Variants in PPFIA2 observed in about 807,000 individuals in gnomAD.
PPFIA2 encodes PPFI scaffold protein A2, also known as liprin-alpha-2.
PPFIA2 carries 46 observed loss-of-function variants against 175.5 expected under a neutral mutation model. That is an observed-to-expected ratio of 0.26 (90% CI 0.21 to 0.34). The LOEUF (loss-of-function observed/expected upper bound fraction) is 0.34. Among genes scored for constraint, PPFIA2 ranks in the 10% least tolerant of loss-of-function variants. The pLI is 1.00. For synonymous variants in PPFIA2, 568 were observed against 511.4 expected (o/e 1.11, Z -1.49); for missense variants, 1,179 against 1,506.1 (o/e 0.78, Z 3.60).
intron 4 of PPFIA2, among the ~76,000 whole-genome samples, chr12:81,532,931 A>T (rs757863271): frequency 2.6e-5 from 4 of 151,662 alleles, no homozygotes; most frequent in Non-Finnish European, 5.9e-5. Context: ...CTTTATCTCA[A>T]CCAAGAAGGC....
At chr12:81,361,638 A>C (rs1731541716) in intron 15 of PPFIA2, among the ~76,000 whole-genome samples, 1 of 151,630 alleles carries the variant, frequency 6.6e-6, no homozygotes, top group Non-Finnish European at 1.5e-5. Context: ...GAATCTGAAA[A>C]ATGCTTTACC....
At chr12:81,649,128 T>A (rs1233331560) in intron 4 of PPFIA2, among the ~76,000 whole-genome samples, 2 of 152,076 alleles carry the variant, frequency 1.3e-5, no homozygotes, top group Non-Finnish European at 2.9e-5. Flanking sequence ...AAAATTAAAA[T>A]TGCTCTTTGA....
Position 81,369,125 on chromosome 12 carries a change from G to T in PPFIA2, c.1336C>A (p.Gln446Lys). The T allele has an allele frequency of 1.2e-6, 2 of 1,603,670 alleles. No individual in the cohort carries two copies. The highest frequency in any genetic ancestry group is 2.2e-5 in the South Asian group (2 of 90,670). Residue 446 changes from glutamine to lysine, a missense_variant, in exon 12 of 33, where the codon CAA (glutamine) becomes AAA (lysine). By Grantham distance (53) the Gln-to-Lys change is moderately conservative. This residue lies in a region of PPFIA2 where 66 missense variants were observed against 129.4 expected (regional missense o/e 0.51). Transcript: ENST00000549396. ...HLEGQLEEKN[Q>K]ELQRARQREK... is the part of the protein sequence containing the mutation. ...AATATACATACTCTTTGAAGTTCTT[G>T]ATTCTTCTCTTCAAGTTGACCCTCT...
intron 9 of PPFIA2, among the ~76,000 whole-genome samples, chr12:81,378,694 AC>A (rs1855310129): frequency 6.6e-6 from 1 of 152,202 alleles, no homozygotes; most frequent in African/African-American, 2.4e-5. Flanking sequence ...TCTAAAGCTA[AC>A]CTGTGTAAAT....
In PPFIA2 at chr12:81,344,360, ATAT is replaced by A. The variant is rs2058677188; in HGVS notation, c.2262+301_2262+303del. 2.0e-5 allele frequency among the ~76,000 whole-genome samples: 3 copies of A among 149,348 alleles called. No homozygotes were observed. The South Asian group carries it at 6.3e-4, about 31-fold the overall frequency. On this transcript the variant is annotated intron_variant, in intron 19 of 32. Transcript: ENST00000549396. ...TATTAAATATTAAAACATTTGTACTATATTATATTAATAAATATAAATACTTAT... is the reference window on the plus strand; with the variant it reads ...TATTAAATATTAAAACATTTGTACTATATATTAATAAATATAAATACTTAT...
intron 7 of PPFIA2, among the ~76,000 whole-genome samples, chr12:81,435,740 C>A (rs184667880): frequency 2.2e-4 from 34 of 151,310 alleles, no homozygotes; most frequent in Middle Eastern, 3.5e-3. Context: ...ATCAAGATAT[C>A]ATTCACAATC....
chr12:81,314,179 T>C (rs543951215), intron 22 of PPFIA2, among the ~76,000 whole-genome samples: 5 of 151,954 alleles, frequency 3.3e-5, no homozygotes, highest in African/African-American at 1.2e-4. Flanking sequence ...GACAAAAATC[T>C]ATAGTTATAA....
At chr12:81,371,243 C>T (rs1389042885) in intron 11 of PPFIA2, among the ~76,000 whole-genome samples, 1 of 55,398 alleles carries the variant, frequency 1.8e-5, no homozygotes, top group Non-Finnish European at 3.9e-5. Context: ...TCCCCAAATG[C>T]CATAATTTTT....
intron 7 of PPFIA2, among the ~76,000 whole-genome samples, chr12:81,406,338 A>G (rs1329737423): frequency 6.6e-6 from 1 of 152,160 alleles, no homozygotes; most frequent in African/African-American, 2.4e-5. Context: ...GAGCACAGCA[A>G]TTTCGCCTAC....
chr12:81,295,127 T>TA, intron 23 of PPFIA2, 92 bp from the exon 24 acceptor site: 2 of 1,150,652 alleles, frequency 1.7e-6, no homozygotes, highest in Non-Finnish European at 2.5e-6. Context: ...GTATCTTACA[T>TA]ACATGACCTC....
chr12:81,569,861 G>C lies in PPFIA2; in HGVS notation c.303+106930C>G, dbSNP rs1263063619. Among the ~76,000 whole-genome samples, 3 of 152,082 alleles carry C rather than the reference G, an allele frequency of 2.0e-5. No individual in the cohort carries two copies. The East Asian group carries it at 5.8e-4, about 29-fold the overall frequency. Reference sequence around the variant, plus strand: ...TACTGATTTTTTTATAGATAGGTTAGAAATGATTATGTCAACCATCCAAGG... The same window carrying C: ...TACTGATTTTTTTATAGATAGGTTACAAATGATTATGTCAACCATCCAAGG... On this transcript the variant is annotated intron_variant, in intron 4 of 32. Transcript: ENST00000549396.
chr12:81,620,296 T>C (rs2061912350), intron 4 of PPFIA2, among the ~76,000 whole-genome samples: 1 of 152,024 alleles, frequency 6.6e-6, no homozygotes, highest in African/African-American at 2.4e-5. Flanking sequence ...AAGTAAAATA[T>C]GCTACAGCTA....
rs116795731 is a variant in PPFIA2 at position 81,720,026 on chromosome 12, C to A, written c.249+33947G>T. On this transcript the variant is annotated intron_variant, in intron 3 of 32. Coordinates refer to ENST00000549396, the MANE Select transcript of PPFIA2 (RefSeq NM_003625.5). ...TGTAAAATTGTGTCCATTCTATCTG[C>A]ATTTAGAGTTAGTAAATTTAAAAAA... Among the ~76,000 whole-genome samples the A allele has an allele frequency of 3.9e-3, 582 of 150,248 alleles. 4 individuals carry two copies. The highest frequency in any genetic ancestry group is 0.014 in the African/African-American group (558 of 41,220).
At chr12:81,279,016 C>T (rs959423000) in intron 27 of PPFIA2, among the ~76,000 whole-genome samples, 41 of 152,022 alleles carry the variant, frequency 2.7e-4, no homozygotes, top group African/African-American at 8.9e-4. Flanking sequence ...CTAAAATTTA[C>T]GTGTGGAAGC....
At chr12:81,393,322 A>G (rs972251507) in intron 8 of PPFIA2, among the ~76,000 whole-genome samples, 2 of 152,076 alleles carry the variant, frequency 1.3e-5, no homozygotes, top group Admixed American at 6.6e-5. Context: ...TTTTCTTTAG[A>G]GAAAGTCATC....
At chr12:81,297,335 T>C (rs1358540122) in intron 23 of PPFIA2, among the ~76,000 whole-genome samples, 1 of 152,010 alleles carries the variant, frequency 6.6e-6, no homozygotes. Flanking sequence ...TAAACAGCAA[T>C]AGCTAACCAG....
At position 81,457,862 on chromosome 12, in the gene PPFIA2, A is replaced by G. The variant is rs1304876565; in HGVS notation, c.308T>C (p.Phe103Ser). Reference protein sequence around the residue: ...AGSKGADPPEFAALTKELNAC... With the variant: ...AGSKGADPPESAALTKELNAC... ...ATTTAATTCTTTTGTCAGTGCAGCA[A>G]ATTCCTGGAAAAGTAATAAAAATAT... The change falls in exon 5 of 33, where the codon TTT becomes TCT. Residue 103 changes from phenylalanine (F) to serine (S), a missense_variant. Physicochemically the swap from Phe to Ser is radical, Grantham distance 155. Around this residue, in one of 10 missense-constraint regions of PPFIA2, gnomAD observed 128 missense variants for 141.4 expected, o/e 0.91. Coordinates refer to ENST00000549396, the MANE Select transcript of PPFIA2 (RefSeq NM_003625.5). The G allele has an allele frequency of 6.4e-7, 1 of 1,571,676 alleles. No individual in the cohort carries two copies. Among genetic ancestry groups the G allele is most frequent in the East Asian group, 2.2e-5 (1 of 44,468 alleles).
chr12:81,699,952 G>C (rs908170557), intron 3 of PPFIA2, among the ~76,000 whole-genome samples: 1 of 151,914 alleles, frequency 6.6e-6, no homozygotes, highest in African/African-American at 2.4e-5. Flanking sequence ...ATTCTTACTG[G>C]ATGTTCATAG....
chr12:81,332,342 C>T (rs767246584), intron 21 of PPFIA2, among the ~76,000 whole-genome samples: 4 of 152,024 alleles, frequency 2.6e-5, no homozygotes, highest in African/African-American at 7.2e-5. Flanking sequence ...CCACAGAAAA[C>T]GCCATTTCCA....
Sources: allele counts gnomAD v4.1 joint callset (sites outside exome capture counted in the v4.1 genomes callset), GRCh38; gene constraint gnomAD v4.1.1; regional missense constraint gnomAD v4.1.1; transcripts MANE v1.5; gene names NCBI Gene and HGNC (gene_info 2026-07-23, HGNC 2026-07-21).